Variants in KLHL24 observed in about 807,000 individuals in gnomAD.
KLHL24 encodes kelch like family member 24.
In KLHL24, 29 loss-of-function variants were observed where a neutral mutation model predicts 53.4. That is an observed-to-expected ratio of 0.54 (90% confidence interval 0.40 to 0.74). The LOEUF is 0.74. Ranked by LOEUF, KLHL24 falls within the 30% of genes least tolerant of loss-of-function variation. The pLI is 0.00. For synonymous variants in KLHL24, 222 were observed against 253.7 expected, an observed-to-expected ratio of 0.88 and a Z score of 1.19; for missense variants, 504 against 744.0, an observed-to-expected ratio of 0.68 and a Z score of 3.75.
intron 1 of KLHL24, chr3:183,642,957 A>G (rs1286025047): frequency 6.6e-6 from 1 of 152,210 alleles, no homozygotes; most frequent in African/African-American, 2.4e-5. Flanking sequence ...AGTGCCGGGC[A>G]CGGTGGCTCA....
At chr3:183,672,161 G>A in intron 6 of KLHL24, 135 bp from the exon 7 acceptor site, 1 of 472,880 alleles carries the variant, frequency 2.1e-6, no homozygotes, top group South Asian at 5.5e-5. Flanking sequence ...TTCACTATCA[G>A]GCTAACCTCT....
intron 1 of KLHL24, among the ~76,000 whole-genome samples, chr3:183,640,251 GT>G (rs1213023991): frequency 2.6e-5 from 4 of 152,150 alleles, no homozygotes; most frequent in African/African-American, 9.7e-5. Flanking sequence ...TGGTTAACAA[GT>G]TTTTTTCTTC....
intron 5 of KLHL24, among the ~76,000 whole-genome samples, chr3:183,665,522 G>A (rs151044295): frequency 0.045 from 6,919 of 152,174 alleles, 227 homozygotes; most frequent in Non-Finnish European, 0.072. Context: ...AGGCTGAGGC[G>A]GGCAGATCAT....
intron 1 of KLHL24, among the ~76,000 whole-genome samples, chr3:183,639,656 T>A (rs113674611): frequency 7.6e-6 from 1 of 132,140 alleles, no homozygotes; most frequent in Non-Finnish European, 1.6e-5. Context: ...AAAAAAAATC[T>A]CAAATTTGTT....
intron 3 of KLHL24, among the ~76,000 whole-genome samples, chr3:183,655,695 C>T (rs937892233): frequency 3.3e-5 from 5 of 151,966 alleles, no homozygotes; most frequent in East Asian, 1.9e-4. Context: ...GAGGCCGAGG[C>T]GGGCAGATCA....
chr3:183,681,249 A>G lies in KLHL24; in HGVS notation c.*1963A>G, dbSNP rs2108912427. 6.6e-6 allele frequency: 1 copy of G among 152,450 alleles called. No individual in the cohort carries two copies. Among genetic ancestry groups the G allele is most frequent in the South Asian group, 2.1e-4 (1 of 4,810 alleles). The allele number at this position is 152,450 out of a possible 1,614,324, so 9.4% of individuals were successfully genotyped here. A position where few individuals can be genotyped will look rare whatever the true frequency, so the allele number is the denominator to read the frequency against. On this transcript the variant is annotated 3_prime_UTR_variant, in exon 8 of 8. Transcript: ENST00000242810. Reference sequence around the variant, plus strand: ...AGATAATAGAATTATTTAGTTAAGAAATTCTTTACAGTAAATGAGATAATG... The same window carrying G: ...AGATAATAGAATTATTTAGTTAAGAGATTCTTTACAGTAAATGAGATAATG...
intron 2 of KLHL24, among the ~76,000 whole-genome samples, chr3:183,647,192 G>A (rs918046234): frequency 1.3e-5 from 2 of 151,748 alleles, no homozygotes; most frequent in South Asian, 2.1e-4. Flanking sequence ...AGGACAAGGC[G>A]GGTGGATCAC....
intron 4 of KLHL24, among the ~76,000 whole-genome samples, chr3:183,664,312 A>T (rs1720221057): frequency 6.6e-6 from 1 of 152,214 alleles, no homozygotes; most frequent in African/African-American, 2.4e-5. Context: ...GTTTTCTGAA[A>T]TTCTCCGCAA....
chr3:183,645,919 A>G (rs978554876), intron 2 of KLHL24, among the ~76,000 whole-genome samples: 17 of 152,148 alleles, frequency 1.1e-4, no homozygotes, highest in African/African-American at 3.9e-4. Flanking sequence ...CTTTACTTTT[A>G]TATGTGTTCA....
chr3:183,642,549 A>G (rs1247603311), intron 1 of KLHL24, among the ~76,000 whole-genome samples: 1 of 148,664 alleles, frequency 6.7e-6, no homozygotes, highest in Non-Finnish European at 1.5e-5. Context: ...TATTCTGTAC[A>G]CAGCTCAAGG....
rs1717976135 is a variant in KLHL24, at chr3:183,650,482, C to G, written c.126C>G (p.Phe42Leu). The change falls in exon 3 of 8, where the codon TTC becomes TTG. Residue 42 changes from phenylalanine to leucine, a missense_variant. Physicochemically the swap from Phe to Leu is conservative, Grantham distance 22. Transcript: ENST00000242810. This position sits in a 1 kb window ranked among gnomAD's most constrained non-coding sequence, Gnocchi z 4.5. ...KSLTGHEFFD[F>L]SSGSSHAENI... is the part of the protein sequence containing the mutation. The stretch of plus-strand genomic sequence containing the variant: ...TGACAGGTCATGAGTTTTTTGACTT[C>G]TCTTCAGGATCATCCCATGCCGAAA... 1 of 1,613,998 alleles carries G rather than the reference C, an allele frequency of 6.2e-7. No homozygotes were observed. Among genetic ancestry groups the G allele is most frequent in the African/African-American group, 1.3e-5 (1 of 74,900 alleles).
chr3:183,649,810 C>T (rs78489709), intron 2 of KLHL24, among the ~76,000 whole-genome samples: 4,646 of 152,080 alleles, frequency 0.031, 175 homozygotes, highest in East Asian at 0.16. Flanking sequence ...GCAGGAAGAT[C>T]GCTTGAGCCT....
chr3:183,681,679 A>G lies in KLHL24; in HGVS notation c.*2393A>G, dbSNP rs1712689784. ...AAATAACTATTTTTAAAGTTACCCAACTTAATATTTTAATTTTTTAATATT... is the reference window on the plus strand; with the variant it reads ...AAATAACTATTTTTAAAGTTACCCAGCTTAATATTTTAATTTTTTAATATT... On this transcript the variant is annotated 3_prime_UTR_variant, in exon 8 of 8. Transcript: ENST00000242810. 3 of 152,302 alleles carry G rather than the reference A, an allele frequency of 2.0e-5. No homozygotes were observed. Among genetic ancestry groups the G allele is most frequent in the Admixed American group, 2.0e-4 (3 of 15,272 alleles). 9.4% of individuals were successfully genotyped at this position (152,302 alleles called of 1,614,324 possible).
chr3:183,678,359 CAT>C lies in KLHL24; in HGVS notation c.1603-726_1603-725del, dbSNP rs1274544687. Among the ~76,000 whole-genome samples the C allele has an allele frequency of 3.9e-5, 6 of 152,228 alleles. No individual in the cohort carries two copies. The East Asian group carries it at 1.2e-3, about 29-fold the overall frequency. ...ATGAATATTGTTCCTACTCCTTGGT[CAT>C]GTAACCGCCACTTTCTATAATAACC... On this transcript the variant is annotated intron_variant, in intron 7 of 7. Coordinates refer to ENST00000242810, the MANE Select transcript of KLHL24 (RefSeq NM_017644.3).
intron 1 of KLHL24, among the ~76,000 whole-genome samples, chr3:183,640,572 CTTTTCTTTTTTTTCTTTTTTCTT>C (rs1716225783): frequency 1.3e-5 from 2 of 148,330 alleles, no homozygotes; most frequent in Admixed American, 6.7e-5. Context: ...TTTCTGTTAC[CTTTTCTTTTTTTTCTTTTTTCTT>C]TTTTCTTTTT....
chr3:183,653,230 A>G (rs1225337728), intron 3 of KLHL24, among the ~76,000 whole-genome samples: 1 of 152,212 alleles, frequency 6.6e-6, no homozygotes, highest in African/African-American at 2.4e-5. Context: ...ACGATAGCAG[A>G]TATTTATTTT....
Position 183,650,960 on chromosome 3 carries a change from G to C in KLHL24, c.604G>C (p.Glu202Gln), listed in dbSNP as rs1256356011. 1 of 1,614,048 alleles carries C rather than the reference G, an allele frequency of 6.2e-7. No individual in the cohort carries two copies. Among genetic ancestry groups the C allele is most frequent in the African/African-American group, 1.3e-5 (1 of 74,924 alleles). The change falls in exon 3 of 8, where the codon GAA becomes CAA. Residue 202 changes from glutamate to glutamine, a missense_variant. Transcript: ENST00000242810. The surrounding 1 kb of genome is among the most constrained non-coding windows in gnomAD (Gnocchi z 4.5). Reference sequence around the variant, plus strand: ...GACTTTTGAGGATGTATCCCAGCACGAAGAATTTCTTGAGCTTGACAAAGA... The same window carrying C: ...GACTTTTGAGGATGTATCCCAGCACCAAGAATTTCTTGAGCTTGACAAAGA... Reference protein sequence around the residue: ...LQTFEDVSQHEEFLELDKDEL... With the variant: ...LQTFEDVSQHQEFLELDKDEL...
intron 5 of KLHL24, among the ~76,000 whole-genome samples, chr3:183,667,658 C>T (rs1720763962): frequency 1.3e-5 from 2 of 152,210 alleles, no homozygotes; most frequent in South Asian, 2.1e-4. Context: ...TAAACCGCTC[C>T]CTGGTGCCAA....
intron 1 of KLHL24, among the ~76,000 whole-genome samples, chr3:183,641,086 G>A (rs939213783): frequency 3.3e-5 from 5 of 152,098 alleles, no homozygotes; most frequent in Non-Finnish European, 7.4e-5. Flanking sequence ...TTTTTAAAAA[G>A]TCATCAAATA....
Sources: gnomAD v4.1 joint callset for allele counts (sites outside exome capture counted in the v4.1 genomes callset) on GRCh38, gnomAD v4.1.1 for gene constraint, Gnocchi (gnomAD v3.1) non-coding constraint, MANE v1.5 for transcripts, NCBI Gene and HGNC (gene_info 2026-07-23, HGNC 2026-07-21) for gene names.